Variants in COL1A2 observed in about 807,000 individuals in gnomAD.
The protein encoded by COL1A2 is collagen alpha-2(I) chain.
A neutral mutation model predicts 174.3 loss-of-function variants in COL1A2; 49 were observed. The observed-to-expected ratio is 0.28, with a 90% CI of 0.22 to 0.36. The LOEUF (loss-of-function observed/expected upper bound fraction) is 0.36, where lower values mean the gene tolerates loss of function less well. Ranked by LOEUF, COL1A2 falls within the 10% of genes least tolerant of loss-of-function variation. COL1A2 has a pLI of 1.00. For missense variants in COL1A2, 1,438 were observed against 1,822.7 expected (o/e 0.79, Z 3.84); for synonymous variants, 655 against 606.6 (o/e 1.08, Z -1.17).
At position 94,419,904 on chromosome 7, in the gene COL1A2, A is replaced by G. The variant is rs145891462; in HGVS notation, c.2080-329A>G. ...GTGCCCATTTCACATTGAACTCTCC[A>G]CTTAAAATAGATCTTATTTATTGTA... On this transcript the variant is annotated intron_variant, in intron 34 of 51. Transcript: ENST00000297268. Among the ~76,000 whole-genome samples, 16 of 152,294 alleles carry G rather than the reference A, an allele frequency of 1.1e-4. No homozygotes were observed. The East Asian group carries it at 2.5e-3, about 24-fold the overall frequency.
At chr7:94,404,509 T>G (rs113343156) in intron 6 of COL1A2, 47 bp from the exon 7 acceptor site, 127 of 1,604,518 alleles carry the variant, frequency 7.9e-5, no homozygotes, top group South Asian at 1.1e-4. Context: ...GCCAACACCA[T>G]GACAACTTAT....
Position 94,427,608 on chromosome 7 carries a change from C to A in COL1A2, c.3268-19C>A. 6.2e-7 allele frequency: 1 copy of A among 1,613,944 alleles called. No individual in the cohort carries two copies. Among genetic ancestry groups the A allele is most frequent in the South Asian group, 1.1e-5 (1 of 91,086 alleles). The stretch of plus-strand genomic sequence containing the variant: ...TAACAAAATATAAAGCCTCTCCTAT[C>A]TCACTTTCACCTTTGCAGGGCCCCC... On this transcript the variant is annotated intron_variant, in intron 48 of 51. Coordinates refer to ENST00000297268, the MANE Select transcript of COL1A2 (RefSeq NM_000089.4).
At chr7:94,418,606 T>A in intron 33 of COL1A2, 54 bp downstream of exon 33, 2 of 1,492,144 alleles carry the variant, frequency 1.3e-6, no homozygotes, top group Non-Finnish European at 1.9e-6. Flanking sequence ...TTTTTTATGT[T>A]TGAATTGAGA....
chr7:94,428,022 G>A (rs776096549), intron 49 of COL1A2, 137 bp downstream of exon 49: 39 of 1,042,764 alleles, frequency 3.7e-5, no homozygotes, highest in African/African-American at 6.3e-5. Flanking sequence ...TTAATGGAGC[G>A]TCATCTTCTC....
Position 94,415,230 on chromosome 7 carries a change from T to A in COL1A2, c.1724T>A (p.Leu575His), listed in dbSNP as rs1330269512. The stretch of plus-strand genomic sequence containing the variant: ...TTATTCTCATGTTTTGTCTAGGGTC[T>A]CCATGGTGAGTTTGGTCTCCCTGGT... ...GEVGKPGERG[L>H]HGEFGLPGPA... is the part of the protein sequence containing the mutation. Residue 575 changes from leucine (L) to histidine (H), a missense_variant, in exon 30 of 52, where the codon CTC becomes CAC. Around this residue, in one of 3 missense-constraint regions of COL1A2, gnomAD observed 867 missense variants for 1,213.7 expected, o/e 0.71. Transcript: ENST00000297268. 6.2e-7 allele frequency: 1 copy of A among 1,613,496 alleles called. No homozygotes were observed. Among genetic ancestry groups the A allele is most frequent in the African/African-American group, 1.3e-5 (1 of 74,922 alleles).
intron 28 of COL1A2, 131 bp from the exon 29 acceptor site, chr7:94,414,091 T>C: frequency 7.7e-7 from 1 of 1,307,112 alleles, no homozygotes; most frequent in Non-Finnish European, 1.1e-6. Context: ...AAACAAACTT[T>C]TGTGTAATGC....
In COL1A2 at chr7:94,420,603, C is replaced by T. The variant is rs372783567; in HGVS notation, c.2250C>T (p.Asn750=). ...GAGCCAAAGGGCCTAAGGGTGAAAA[C>T]GGTGTTGTTGGTCCCACAGGCCCCG... The part of the protein sequence containing the change: ...ERGAKGPKGE[N]GVVGPTGPVG... The change falls in exon 37 of 52, where the codon AAC becomes AAT. Residue 750 remains asparagine (N), a synonymous_variant. Coordinates refer to ENST00000297268, the MANE Select transcript of COL1A2 (RefSeq NM_000089.4). 2.0e-5 allele frequency: 32 copies of T among 1,612,042 alleles called. No homozygotes were observed. The Admixed American group carries it at 3.8e-4, about 19-fold the overall frequency.
At chr7:94,401,425 A>G (rs1201990717) in intron 5 of COL1A2, 142 bp from the exon 6 acceptor site, 1 of 300,500 alleles carries the variant, frequency 3.3e-6, no homozygotes, top group South Asian at 1.4e-4. Flanking sequence ...AGAATTTTAA[A>G]CTAATAATTA....
chr7:94,408,449 T>A, intron 15 of COL1A2, 69 bp downstream of exon 15: 1 of 1,521,004 alleles, frequency 6.6e-7, no homozygotes, highest in Non-Finnish European at 9.1e-7. Context: ...TCTTCATTAA[T>A]CTCTTACGAA....
At chr7:94,411,928 G>C in intron 23 of COL1A2, 140 bp from the exon 24 acceptor site, 1 of 699,312 alleles carries the variant, frequency 1.4e-6, no homozygotes, top group South Asian at 1.6e-5. Flanking sequence ...CCCAGCTAGT[G>C]GCTAATATTC....
At chr7:94,420,147 C>T in intron 34 of COL1A2, 86 bp from the exon 35 acceptor site, 3 of 1,560,342 alleles carry the variant, frequency 1.9e-6, no homozygotes, top group Non-Finnish European at 2.6e-6. Context: ...CAGACTCTGT[C>T]TGTCCACCAC....
intron 49 of COL1A2, 122 bp downstream of exon 49, chr7:94,428,007 C>A: frequency 9.0e-7 from 1 of 1,109,146 alleles, no homozygotes; most frequent in Non-Finnish European, 1.3e-6. Flanking sequence ...TGAAATCACA[C>A]CCAATTAATG....
At chr7:94,424,263 C>A in intron 40 of COL1A2, 73 bp from the exon 41 acceptor site, 1 of 1,292,756 alleles carries the variant, frequency 7.7e-7, no homozygotes, top group South Asian at 1.2e-5. Context: ...AGTTTATTCT[C>A]ACAATCTTCA....
chr7:94,422,677 A>G (rs934607985), intron 39 of COL1A2: 6 of 447,052 alleles, frequency 1.3e-5, no homozygotes, highest in Admixed American at 3.4e-5. Context: ...TCTGATTCCA[A>G]TATGCCAGGG....
chr7:94,408,865 T>C, intron 16 of COL1A2, 42 bp downstream of exon 16: 1 of 1,550,958 alleles, frequency 6.4e-7, no homozygotes, highest in Non-Finnish European at 8.9e-7. Flanking sequence ...TGATAAACTT[T>C]TTACTGTGAT....
Position 94,400,227 on chromosome 7 carries a change from A to T in COL1A2, c.164A>T (p.Glu55Val). The change falls in exon 5 of 52, where the codon GAA becomes GTA. Residue 55 changes from glutamate to valine, a missense_variant. By Grantham distance (121) the Glu-to-Val change is moderately radical (BLOSUM62 -2). Transcript: ENST00000297268. ...CCAGGCCCCCCAGGCAGAGATGGTG[A>T]AGATGGTCCCACAGGCCCTCCTGGT... ...GPPGPPGRDGEDGPTGPPGPP... is the reference protein window; with the variant it reads ...GPPGPPGRDGVDGPTGPPGPP... 2 of 1,612,184 alleles carry T rather than the reference A, an allele frequency of 1.2e-6. No individual in the cohort carries two copies. Among genetic ancestry groups the T allele is most frequent in the Non-Finnish European group, 1.7e-6 (2 of 1,179,792 alleles).
chr7:94,407,067 A>G (rs1462318089), intron 12 of COL1A2, among the ~76,000 whole-genome samples: 1 of 152,164 alleles, frequency 6.6e-6, no homozygotes, highest in East Asian at 1.9e-4. Context: ...TAGAGCTGCA[A>G]GGAGCTTTGG....
rs770077176 is a variant in COL1A2 at position 94,413,869 on chromosome 7, A to G, written c.1612-25A>G. On this transcript the variant is annotated intron_variant, in intron 27 of 51. Coordinates refer to ENST00000297268, the MANE Select transcript of COL1A2 (RefSeq NM_000089.4). ...ACAGTGGTGACATACGTTGCTATTT[A>G]TGCTCTCTTTCCTGTCACTTTCAGG... The G allele has an allele frequency of 3.1e-6, 5 of 1,613,818 alleles. No homozygotes were observed. In the South Asian group the frequency reaches 3.3e-5, roughly 11 times the overall value.
chr7:94,404,822 G>A lies in COL1A2; in HGVS notation c.379-17G>A. 2 of 1,614,040 alleles carry A rather than the reference G, an allele frequency of 1.2e-6. No individual in the cohort carries two copies. The highest frequency in any genetic ancestry group is 1.7e-6 in the Non-Finnish European group (2 of 1,179,990). The stretch of plus-strand genomic sequence containing the variant: ...GAATATAACCTTAGTGAAATGATGG[G>A]TCTCCCATTTTCTTAGGGTCCTGCA... On this transcript the variant is annotated splice_polypyrimidine_tract_variant and intron_variant, in intron 8 of 51. Coordinates refer to ENST00000297268, the MANE Select transcript of COL1A2 (RefSeq NM_000089.4).
Sources: allele counts gnomAD v4.1 joint callset (sites outside exome capture counted in the v4.1 genomes callset), GRCh38; gene constraint gnomAD v4.1.1; regional missense constraint gnomAD v4.1.1; transcripts MANE v1.5; gene names NCBI Gene and HGNC (gene_info 2026-07-23, HGNC 2026-07-21).